Variants in PRRC2B observed in about 807,000 individuals in gnomAD.
The protein encoded by PRRC2B is proline rich coiled-coil 2B.
Under a neutral mutation model 242.3 loss-of-function variants are expected in PRRC2B, and 68 were observed. That is an observed-to-expected ratio of 0.28 (90% CI 0.23 to 0.34). PRRC2B has a LOEUF of 0.34. PRRC2B is among the 10% of genes least tolerant of loss of function. The pLI, the probability that PRRC2B is intolerant of heterozygous loss-of-function variation, is 1.00. For synonymous variants in PRRC2B, 1,228 were observed against 1,173.6 expected, an observed-to-expected ratio of 1.05 and a Z score of -0.95; for missense variants, 2,835 against 2,954.8, an observed-to-expected ratio of 0.96 and a Z score of 0.94.
chr9:131,419,063 G>A (rs1411827503), intron 1 of PRRC2B, among the ~76,000 whole-genome samples: 2 of 152,212 alleles, frequency 1.3e-5, no homozygotes, highest in African/African-American at 2.4e-5. Flanking sequence ...TACTAAAAAT[G>A]TGATGGAGAA....
intron 1 of PRRC2B, among the ~76,000 whole-genome samples, chr9:131,386,050 C>T (rs1219104248): frequency 6.7e-6 from 1 of 150,126 alleles, no homozygotes; most frequent in East Asian, 2.0e-4. Context: ...ATTTCCTGAA[C>T]TTGGGATGTG....
At chr9:131,452,172 G>C (rs1200605086) in intron 9 of PRRC2B, among the ~76,000 whole-genome samples, 1 of 152,032 alleles carries the variant, frequency 6.6e-6, no homozygotes, top group Non-Finnish European at 1.5e-5. Context: ...TTTTGAGACA[G>C]GGTCTCTCTC....
chr9:131,392,201 C>T (rs939320830), upstream of PRRC2B, among the ~76,000 whole-genome samples: 1 of 148,438 alleles, frequency 6.7e-6, no homozygotes, highest in South Asian at 2.1e-4. Flanking sequence ...CGGGTTTGAG[C>T]AATTCTTCTG....
rs199688005 is a variant in PRRC2B at position 131,470,932 on chromosome 9, A to C, written c.2056A>C (p.Thr686Pro). The C allele has an allele frequency of 3.2e-4, 513 of 1,611,498 alleles. 2 individuals are homozygous for C. The African/African-American group carries it at 6.0e-3, about 19-fold the overall frequency. ...MMPSYMDPRI[T>P]PTRTPVDFYP... ...GCCTTCCTACATGGACCCACGTATC[A>C]CGCCCACTCGGACCCCGGTGGACTT... The change falls in exon 14 of 32, where the codon ACG (threonine) becomes CCG (proline). Residue 686 changes from threonine to proline, a missense_variant. Transcript: ENST00000683519.
Position 131,436,625 on chromosome 9 carries a change from G to A in PRRC2B, c.299G>A (p.Ser100Asn), listed in dbSNP as rs762708071. 3.7e-6 allele frequency: 6 copies of A among 1,613,456 alleles called. No homozygotes were observed. Among genetic ancestry groups the A allele is most frequent in the Non-Finnish European group, 4.2e-6 (5 of 1,179,624 alleles). Residue 100 changes from serine (S) to asparagine (N), a missense_variant, in exon 4 of 32, where the codon AGT (serine) becomes AAT (asparagine). Around this residue, in one of 7 missense-constraint regions of PRRC2B, gnomAD observed 626 missense variants for 685.5 expected, o/e 0.91. Transcript: ENST00000683519. ...ACTGCCCTGCCTTTGTCTAGTTCCA[G>A]TGCGACGGCCTCTCAGCCGCCGGAG... is the stretch of plus-strand genomic sequence containing the variant. ...KQDQQDPKSSSATASQPPESL... is the reference protein window; with the variant it reads ...KQDQQDPKSSNATASQPPESL...
At chr9:131,477,699 C>T (rs1176582399) in intron 16 of PRRC2B, 45 bp from the exon 17 acceptor site, 2 of 1,274,244 alleles carry the variant, frequency 1.6e-6, no homozygotes, top group South Asian at 2.5e-5. Flanking sequence ...CGGTGTTTTC[C>T]CTCCTTCCCC....
rs372302457 is a variant in PRRC2B, at chr9:131,467,020, C to T, written c.1721-543C>T. On this transcript the variant is annotated intron_variant, in intron 12 of 31. Transcript: ENST00000683519. ...GTTTCACTGTGTTAGCCAGGATGGT[C>T]TGTATCTCCTGACCTCGTGATCCAT... Among the ~76,000 whole-genome samples the T allele has an allele frequency of 3.9e-5, 6 of 152,240 alleles. No individual in the cohort carries two copies. The East Asian group carries it at 1.2e-3, about 29-fold the overall frequency.
At chr9:131,465,573 C>T (rs549156339) in intron 12 of PRRC2B, among the ~76,000 whole-genome samples, 3 of 152,294 alleles carry the variant, frequency 2.0e-5, no homozygotes, top group East Asian at 3.9e-4. Context: ...TACTCATCAT[C>T]GTCACTATTA....
At chr9:131,444,059 C>T in intron 5 of PRRC2B, 126 bp from the exon 6 acceptor site, 1 of 1,070,578 alleles carries the variant, frequency 9.3e-7, no homozygotes, top group Non-Finnish European at 1.4e-6. Context: ...CACAGAGCAC[C>T]CTTGTGACAA....
chr9:131,444,425 T>C, intron 6 of PRRC2B, 97 bp downstream of exon 6: 1 of 1,340,272 alleles, frequency 7.5e-7, no homozygotes, highest in Non-Finnish European at 1.0e-6. Context: ...CACTGGGGTC[T>C]CCGGTTCGAG....
At position 131,477,542 on chromosome 9, in the gene PRRC2B, G is replaced by A. The variant is rs145006160; in HGVS notation, c.4407-202G>A. On this transcript the variant is annotated intron_variant, in intron 16 of 31. Coordinates refer to ENST00000683519, the MANE Select transcript of PRRC2B (RefSeq NM_013318.4). The stretch of plus-strand genomic sequence containing the variant: ...GCCACTTTCCCCAGGAGCAGGCAGA[G>A]CCGGTGGGGGCAGCCTTACACGTAT... Among the ~76,000 whole-genome samples, 300 of 152,320 alleles carry A rather than the reference G, an allele frequency of 2.0e-3. 2 individuals carry two copies. Among genetic ancestry groups the A allele is most frequent in the African/African-American group, 6.9e-3 (285 of 41,578 alleles).
At chr9:131,385,940 A>G (rs879148334) in intron 1 of PRRC2B, among the ~76,000 whole-genome samples, 2 of 150,188 alleles carry the variant, frequency 1.3e-5, no homozygotes. Context: ...TGATCCGCCC[A>G]CCTCGGCCTC....
chr9:131,483,402 C>T lies in PRRC2B; in HGVS notation c.5417C>T (p.Thr1806Ile). The change falls in exon 23 of 32, where the codon ACT becomes ATT. Residue 1806 changes from threonine (T) to isoleucine (I), a missense_variant. Coordinates refer to ENST00000683519, the MANE Select transcript of PRRC2B (RefSeq NM_013318.4). Reference protein sequence around the residue: ...SLPPGSASGPTGSPVVKLQDA... With the variant: ...SLPPGSASGPIGSPVVKLQDA... ...CCACCTGGTTCTGCCTCTGGTCCTA[C>T]TGGGAGTCCAGTTGTTAAACTTCAG... 6.2e-7 allele frequency: 1 copy of T among 1,613,962 alleles called. No individual in the cohort carries two copies. The highest frequency in any genetic ancestry group is 8.5e-7 in the Non-Finnish European group (1 of 1,179,892).
At chr9:131,401,287 A>G (rs949787146) in intron 1 of PRRC2B, among the ~76,000 whole-genome samples, 1 of 151,858 alleles carries the variant, frequency 6.6e-6, no homozygotes, top group East Asian at 1.9e-4. Context: ...CATCTCCAGA[A>G]CGTTCTCATC....
intron 3 of PRRC2B, among the ~76,000 whole-genome samples, chr9:131,435,095 C>A (rs923275059): frequency 6.6e-6 from 1 of 151,640 alleles, no homozygotes; most frequent in Non-Finnish European, 1.5e-5. Flanking sequence ...GTCAGGAGTT[C>A]AAGACCAGCC....
intron 15 of PRRC2B, 138 bp from the exon 16 acceptor site, chr9:131,474,313 TTTG>T (rs1943627146): frequency 1.4e-6 from 1 of 731,534 alleles, no homozygotes; most frequent in South Asian, 2.1e-5. Flanking sequence ...TGTTTTTTGT[TTTG>T]TTTTTCTAGC....
chr9:131,494,444 A>C lies in PRRC2B; in HGVS notation c.6513A>C (p.Ser2171=). 1 of 1,606,850 alleles carries C rather than the reference A, an allele frequency of 6.2e-7. No homozygotes were observed. Among genetic ancestry groups the C allele is most frequent in the Non-Finnish European group, 8.5e-7 (1 of 1,175,974 alleles). The part of the protein sequence containing the change: ...SASPSGKPSG[S]AVNMGSVQGH... Reference sequence around the variant, plus strand: ...GCCCCAGTGGGAAGCCCTCTGGATCAGCAGTTAACATGGGCTCTGTGCAGG... The same window carrying C: ...GCCCCAGTGGGAAGCCCTCTGGATCCGCAGTTAACATGGGCTCTGTGCAGG... The change falls in exon 31 of 32, where the codon TCA becomes TCC. Residue 2171 remains serine, a synonymous_variant. Transcript: ENST00000683519. The surrounding 1 kb of genome is among the most constrained non-coding windows in gnomAD (Gnocchi z 4.3).
In PRRC2B at chr9:131,440,806, A is replaced by G. The variant is rs183923035; in HGVS notation, c.469+1745A>G. On this transcript the variant is annotated intron_variant, in intron 5 of 31. Transcript: ENST00000683519. ...GAATGGTATGTATAGTATCTTAACC[A>G]TTTGTGTAAAAAATGGGGGTGAGGG... 3.8e-4 allele frequency among the ~76,000 whole-genome samples: 58 copies of G among 152,326 alleles called. No individual in the cohort carries two copies. The East Asian group carries it at 0.011, about 29-fold the overall frequency.
intron 1 of PRRC2B, among the ~76,000 whole-genome samples, chr9:131,416,029 A>G (rs562416478): frequency 6.6e-6 from 1 of 151,820 alleles, no homozygotes; most frequent in African/African-American, 2.4e-5. Context: ...TTTTGGGGGT[A>G]GGATGTGACT....
Sources: allele counts gnomAD v4.1 joint callset (sites outside exome capture counted in the v4.1 genomes callset), GRCh38; gene constraint gnomAD v4.1.1; regional missense constraint gnomAD v4.1.1; non-coding constraint Gnocchi (gnomAD v3.1); transcripts MANE v1.5; gene names NCBI Gene and HGNC (gene_info 2026-07-23, HGNC 2026-07-21).